ATG10: variants seen among roughly 807,000 people sequenced by gnomAD.
ATG10 encodes autophagy related 10.
ATG10 carries 30 observed loss-of-function variants against 32.1 expected under a neutral mutation model. The observed-to-expected ratio is 0.94, with a 90% CI of 0.70 to 1.27. The LOEUF is 1.27. Ranked by LOEUF, ATG10 falls within the 50% of genes most tolerant of loss-of-function variation. The probability of loss-of-function intolerance (pLI) is 0.00; values close to 1 mark genes in which losing one functional copy is unlikely to be tolerated. For missense variants in ATG10, 233 were observed against 262.3 expected, an observed-to-expected ratio of 0.89 and a Z score of 0.77; for synonymous variants, 87 against 91.5, an observed-to-expected ratio of 0.95 and a Z score of 0.28.
At chr5:82,250,542 TAA>T (rs1043760607) in intron 5 of ATG10, among the ~76,000 whole-genome samples, 1 of 152,158 alleles carries the variant, frequency 6.6e-6, no homozygotes, top group African/African-American at 2.4e-5. Flanking sequence ...GGTGTAACCC[TAA>T]GAGGGATACA....
chr5:82,180,620 C>A (rs1379657443), intron 5 of ATG10, among the ~76,000 whole-genome samples: 1 of 152,012 alleles, frequency 6.6e-6, no homozygotes, highest in South Asian at 2.1e-4. Flanking sequence ...ATTGTAGAGT[C>A]CTTATCCACA....
At chr5:82,208,619 C>T in intron 5 of ATG10, among the ~76,000 whole-genome samples, 1 of 152,038 alleles carries the variant, frequency 6.6e-6, no homozygotes, top group East Asian at 1.9e-4. Flanking sequence ...AGAGGGAGAA[C>T]CTTCAATATT....
intron 5 of ATG10, among the ~76,000 whole-genome samples, chr5:82,204,603 A>G (rs1324659548): frequency 6.6e-6 from 1 of 152,106 alleles, no homozygotes; most frequent in Non-Finnish European, 1.5e-5. Flanking sequence ...AAGCAAGGAG[A>G]GATGAGTTAA....
At chr5:82,248,523 C>T (rs1157154174) in intron 5 of ATG10, among the ~76,000 whole-genome samples, 1 of 152,166 alleles carries the variant, frequency 6.6e-6, no homozygotes, top group Non-Finnish European at 1.5e-5. Flanking sequence ...CTGTTTCTAA[C>T]TTGAAGTTTA....
intron 5 of ATG10, among the ~76,000 whole-genome samples, chr5:82,242,068 C>T (rs79236409): frequency 0.015 from 2,341 of 152,034 alleles, 43 homozygotes; most frequent in African/African-American, 0.052. Flanking sequence ...GCCAGCAGAC[C>T]ACAGACTAGT....
intron 5 of ATG10, among the ~76,000 whole-genome samples, chr5:82,181,940 G>C (rs1459662844): frequency 6.6e-6 from 1 of 152,070 alleles, no homozygotes; most frequent in African/African-American, 2.4e-5. Context: ...CAACATTACA[G>C]ACTACCTATT....
At chr5:82,170,262 G>T (rs1428628490) in intron 4 of ATG10, among the ~76,000 whole-genome samples, 1 of 152,026 alleles carries the variant, frequency 6.6e-6, no homozygotes, top group African/African-American at 2.4e-5. Flanking sequence ...GGCACAATGA[G>T]CCCTGTTTGA....
intron 1 of ATG10, among the ~76,000 whole-genome samples, chr5:81,987,014 G>T (rs1761296239): frequency 6.6e-6 from 1 of 152,076 alleles, no homozygotes; most frequent in African/African-American, 2.4e-5. Context: ...TTGCACTCCA[G>T]CCTGGATGAC....
intron 1 of ATG10, among the ~76,000 whole-genome samples, chr5:81,980,293 G>C (rs1384359476): frequency 1.3e-5 from 2 of 152,116 alleles, no homozygotes; most frequent in African/African-American, 2.4e-5. Context: ...TCCATTACAG[G>C]AGCAAGCTTT....
intron 1 of ATG10, among the ~76,000 whole-genome samples, chr5:81,981,973 T>C (rs1011658921): frequency 2.0e-5 from 3 of 152,244 alleles, no homozygotes. Flanking sequence ...TCTATCCTTC[T>C]AGTCTAAGGG....
intron 2 of ATG10, among the ~76,000 whole-genome samples, chr5:82,038,442 G>A (rs1267375147): frequency 6.6e-6 from 1 of 152,218 alleles, no homozygotes; most frequent in Non-Finnish European, 1.5e-5. Flanking sequence ...CAGCCAGAAT[G>A]GCAGGGTCAC....
chr5:82,088,706 T>C (rs1764773686), intron 3 of ATG10, among the ~76,000 whole-genome samples: 1 of 152,164 alleles, frequency 6.6e-6, no homozygotes, highest in African/African-American at 2.4e-5. Flanking sequence ...CCTAACACAA[T>C]GTGTAAGTAC....
rs1047844481 is a variant in ATG10 at position 82,113,086 on chromosome 5, T to C, written c.217-51313T>C. On this transcript the variant is annotated intron_variant, in intron 3 of 7. Transcript: ENST00000282185. ...GTATAGCTTATTTTATTGATCTTTC[T>C]GTGATTTTTAAATTAGGAGTGAGAA... 3.3e-5 allele frequency among the ~76,000 whole-genome samples: 5 copies of C among 151,974 alleles called. No individual in the cohort carries two copies. The Admixed American group carries it at 3.3e-4, about 10-fold the overall frequency.
intron 3 of ATG10, among the ~76,000 whole-genome samples, chr5:82,113,236 T>A (rs1765671924): frequency 6.6e-6 from 1 of 151,916 alleles, no homozygotes; most frequent in Non-Finnish European, 1.5e-5. Context: ...CTAATTTGGT[T>A]TGTAGCTTGC....
intron 3 of ATG10, among the ~76,000 whole-genome samples, chr5:82,087,863 TGATA>T (rs926214229): frequency 3.3e-5 from 5 of 152,046 alleles, no homozygotes; most frequent in African/African-American, 1.2e-4. Context: ...CTTTTGCAGG[TGATA>T]GATAGGTTTG....
At chr5:81,986,138 G>T (rs981166503) in intron 1 of ATG10, among the ~76,000 whole-genome samples, 9 of 152,126 alleles carry the variant, frequency 5.9e-5, no homozygotes, top group African/African-American at 2.2e-4. Context: ...TGGATCTCCT[G>T]ACCTCGTAAT....
At chr5:82,224,791 A>G (rs1216217315) in intron 5 of ATG10, among the ~76,000 whole-genome samples, 1 of 152,220 alleles carries the variant, frequency 6.6e-6, no homozygotes, top group Admixed American at 6.5e-5. Flanking sequence ...CCATCAGTCA[A>G]CATTTATTCA....
chr5:82,189,031 A>C (rs1318237523), intron 5 of ATG10, among the ~76,000 whole-genome samples: 1 of 152,214 alleles, frequency 6.6e-6, no homozygotes, highest in Non-Finnish European at 1.5e-5. Flanking sequence ...AAGTATATAA[A>C]GTAGTTGTGC....
At chr5:82,084,133 T>C (rs1764583269) in intron 3 of ATG10, among the ~76,000 whole-genome samples, 1 of 152,208 alleles carries the variant, frequency 6.6e-6, no homozygotes, top group Non-Finnish European at 1.5e-5. Context: ...AGAGAAATCC[T>C]TAAATGACCT....
Sources: allele counts gnomAD v4.1 joint callset (sites outside exome capture counted in the v4.1 genomes callset), GRCh38; gene constraint gnomAD v4.1.1; transcripts MANE v1.5; gene names NCBI Gene and HGNC (gene_info 2026-07-23, HGNC 2026-07-21).